Variants in FN1 observed in about 807,000 individuals in gnomAD.
The protein encoded by FN1 is fibronectin.
FN1 carries 106 observed loss-of-function variants against 297.3 expected under a neutral mutation model. That is an observed-to-expected ratio of 0.36 (90% confidence interval 0.30 to 0.42). The LOEUF is 0.42. Among genes scored for constraint, FN1 ranks in the 10% least tolerant of loss-of-function variants. The pLI is 1.00. For synonymous variants in FN1, 1,149 were observed against 1,152.6 expected (o/e 1.00, Z 0.06); for missense variants, 2,690 against 3,124.9 (o/e 0.86, Z 3.32).
intron 45 of FN1, 49 bp from the exon 46 acceptor site, chr2:215,361,675 G>A: frequency 7.2e-7 from 1 of 1,394,838 alleles, no homozygotes; most frequent in Non-Finnish European, 1.0e-6. Context: ...ATACTGTAAA[G>A]TGTACAGAAA....
At position 215,392,946 on chromosome 2, in the gene FN1, G is replaced by A; in HGVS notation, c.4054C>T (p.Leu1352=). 1 of 1,612,724 alleles carries A rather than the reference G, an allele frequency of 6.2e-7. No individual in the cohort carries two copies. The highest frequency in any genetic ancestry group is 8.5e-7 in the Non-Finnish European group (1 of 1,180,010). The part of the protein sequence containing the change: ...INGGESAPTT[L]TQQTAVPPPT... ...CAAAATTCACCCGTTTGTTGTGTCA[G>A]TGTAGTAGGGGCACTCTCGCCGCCA... The change falls in exon 25 of 46, where the codon CTG becomes TTG. Residue 1352 remains leucine (L), a synonymous_variant. Coordinates refer to ENST00000354785, the MANE Select transcript of FN1 (RefSeq NM_212482.4).
intron 9 of FN1, among the ~76,000 whole-genome samples, chr2:215,422,965 T>C (rs1425419793): frequency 6.6e-6 from 1 of 152,172 alleles, no homozygotes; most frequent in Non-Finnish European, 1.5e-5. Flanking sequence ...TGTGTCAATA[T>C]TGTAGCTCTG....
chr2:215,384,755 G>C, intron 29 of FN1, 105 bp downstream of exon 29: 1 of 823,842 alleles, frequency 1.2e-6, no homozygotes, highest in South Asian at 1.4e-5. Flanking sequence ...CCGTTGAATG[G>C]ACTTGCCAAA....
At chr2:215,431,659 C>T (rs1053386145) in intron 4 of FN1, among the ~76,000 whole-genome samples, 174 bp downstream of exon 4, 11 of 152,196 alleles carry the variant, frequency 7.2e-5, no homozygotes, top group Admixed American at 5.9e-4. Flanking sequence ...TTTGATCTAA[C>T]TCCTGTAAGA....
chr2:215,369,195 A>C (rs2106199860), intron 41 of FN1, among the ~76,000 whole-genome samples: 1 of 149,386 alleles, frequency 6.7e-6, no homozygotes, highest in Non-Finnish European at 1.5e-5. Context: ...TCCTAACTAA[A>C]GTTAAAGAGA....
chr2:215,424,330 A>T lies in FN1; in HGVS notation c.1037-5T>A, dbSNP rs746759849. 1 of 1,612,514 alleles carries T rather than the reference A, an allele frequency of 6.2e-7. No homozygotes were observed. The highest frequency in any genetic ancestry group is 1.7e-5 in the Admixed American group (1 of 60,004). On this transcript the variant is annotated splice_region_variant and splice_polypyrimidine_tract_variant and intron_variant, in intron 7 of 45. Transcript: ENST00000354785. ...CACCGTAAGTCTGGGTTACAGCTACAATCATAATCAAAAGAGTGTCAGTAA... is the reference window on the plus strand; with the variant it reads ...CACCGTAAGTCTGGGTTACAGCTACTATCATAATCAAAAGAGTGTCAGTAA...
intron 24 of FN1, among the ~76,000 whole-genome samples, chr2:215,394,176 T>A (rs368558806): frequency 1.3e-5 from 2 of 152,204 alleles, no homozygotes; most frequent in South Asian, 4.1e-4. Context: ...ACTGATGGGA[T>A]GCATTTACCA....
At position 215,397,146 on chromosome 2, in the gene FN1, T is replaced by A. The variant is rs1169687113; in HGVS notation, c.3595A>T (p.Thr1199Ser). Residue 1199 changes from threonine (T) to serine (S), a missense_variant, in exon 23 of 46, where the codon ACC (threonine) becomes TCC (serine). Physicochemically the swap from Thr to Ser is moderately conservative, Grantham distance 58. Transcript: ENST00000354785. Reference protein sequence around the residue: ...GVLTVSWERSTTPDITGYRIT... With the variant: ...GVLTVSWERSSTPDITGYRIT... ...TCCATCCCAAACTTACCTGGGGTGG[T>A]GCTCCTCTCCCAGGAGACTGTGAGC... 2 of 1,612,546 alleles carry A rather than the reference T, an allele frequency of 1.2e-6. No individual in the cohort carries two copies. The highest frequency in any genetic ancestry group is 3.3e-5 in the Admixed American group (2 of 59,998).
In FN1 at chr2:215,409,633, A is replaced by C. The variant is rs1172348975; in HGVS notation, c.2229T>G (p.Ala743=). The C allele has an allele frequency of 1.2e-6, 2 of 1,614,068 alleles. No homozygotes were observed. Among genetic ancestry groups the C allele is most frequent in the South Asian group, 1.1e-5 (1 of 91,066 alleles). Residue 743 remains alanine, a synonymous_variant, in exon 15 of 46, where the codon GCT becomes GCG. Transcript: ENST00000354785. ...ASSFVVSWVS[A]SDTVSGFRVE... is the part of the protein sequence containing the mutation. ...CCCGGAATCCCGACACGGTGTCGGA[A>C]GCTGAGACCCAGGAGACCACAAAGC...
intron 25 of FN1, 40 bp from the exon 26 acceptor site, chr2:215,391,854 T>C: frequency 6.3e-7 from 1 of 1,582,574 alleles, no homozygotes; most frequent in Non-Finnish European, 8.7e-7. Flanking sequence ...TAATGTAATT[T>C]TAAAATTAAA....
intron 31 of FN1, among the ~76,000 whole-genome samples, chr2:215,383,077 T>C (rs2058431772): frequency 6.6e-6 from 1 of 151,766 alleles, no homozygotes; most frequent in Non-Finnish European, 1.5e-5. Flanking sequence ...CTATCTTGGC[T>C]CACTGCAACC....
intron 2 of FN1, 107 bp from the exon 3 acceptor site, chr2:215,433,568 G>T (rs1001519059): frequency 3.8e-6 from 4 of 1,053,172 alleles, no homozygotes; most frequent in Non-Finnish European, 5.8e-6. Flanking sequence ...CAAGTAACAT[G>T]GTACACCTCA....
rs1240774793 is a variant in FN1, at chr2:215,371,968, C to T, written c.6655G>A (p.Asp2219Asn). ...CATGAAATGATGTACTCAGAAGTGT[C>T]CTGGAATGGGGCCCATGAGATGGTT... ...QTTISWAPFQDTSEYIISCHP... is the reference protein window; with the variant it reads ...QTTISWAPFQNTSEYIISCHP... The change falls in exon 40 of 46, where the codon GAC becomes AAC. Residue 2219 changes from aspartate to asparagine, a missense_variant. By Grantham distance (23) the Asp-to-Asn change is conservative (BLOSUM62 1). This residue lies in a region of FN1 where 1,743 missense variants were observed against 1,945.2 expected (regional missense o/e 0.90). Transcript: ENST00000354785. 1 of 1,614,076 alleles carries T rather than the reference C, an allele frequency of 6.2e-7. No homozygotes were observed. Among genetic ancestry groups the T allele is most frequent in the African/African-American group, 1.3e-5 (1 of 74,904 alleles).
At chr2:215,428,130 T>C in intron 6 of FN1, 50 bp downstream of exon 6, 2 of 1,607,500 alleles carry the variant, frequency 1.2e-6, no homozygotes, top group Non-Finnish European at 1.7e-6. Context: ...TGCGGAAATA[T>C]TTCTTGACCT....
chr2:215,410,653 G>A (rs975219588), intron 13 of FN1, among the ~76,000 whole-genome samples: 9 of 152,110 alleles, frequency 5.9e-5, no homozygotes, highest in South Asian at 2.1e-4. Flanking sequence ...GATTAGAGGC[G>A]TGTGCCACCA....
At chr2:215,370,516 C>T (rs2055692159) in intron 40 of FN1, 84 bp from the exon 41 acceptor site, 1 of 1,030,542 alleles carries the variant, frequency 9.7e-7, no homozygotes, top group East Asian at 2.5e-5. Flanking sequence ...ATAACCCTCA[C>T]TGTTTAAACA....
At position 215,409,591 on chromosome 2, in the gene FN1, A is replaced by G; in HGVS notation, c.2271T>C (p.Ser757=). 14 of 1,613,546 alleles carry G rather than the reference A, an allele frequency of 8.7e-6. No homozygotes were observed. Among genetic ancestry groups the G allele is most frequent in the Non-Finnish European group, 1.1e-5 (13 of 1,179,968 alleles). ...GGTACTGTGGCTCATCTCCCTCCTC[A>G]CTCAGCTCATATTCCACCCGGAATC... is the stretch of plus-strand genomic sequence containing the variant. ...VSGFRVEYEL[S]EEGDEPQYLD... Residue 757 remains serine (S), a synonymous_variant, in exon 15 of 46, where the codon AGT becomes AGC. Transcript: ENST00000354785.
At chr2:215,380,685 G>T in intron 33 of FN1, 126 bp downstream of exon 33, 1 of 1,169,980 alleles carries the variant, frequency 8.5e-7, no homozygotes, top group Non-Finnish European at 1.3e-6. Flanking sequence ...TCTTTAAAGA[G>T]GATCTTTCCT....
At chr2:215,408,010 T>G (rs2062020831) in intron 17 of FN1, 98 bp downstream of exon 17, 1 of 882,014 alleles carries the variant, frequency 1.1e-6, no homozygotes, top group Non-Finnish European at 1.9e-6. Context: ...ATATTGGAGA[T>G]TTAAAGTGAT....
Sources: gnomAD v4.1 joint callset for allele counts (sites outside exome capture counted in the v4.1 genomes callset) on GRCh38, gnomAD v4.1.1 for gene constraint, gnomAD v4.1.1 regional missense constraint, MANE v1.5 for transcripts, NCBI Gene and HGNC (gene_info 2026-07-23, HGNC 2026-07-21) for gene names.